Variants in ST6GALNAC5 observed in about 807,000 individuals in gnomAD.
ST6GALNAC5 encodes alpha-N-acetylgalactosaminide alpha-2,6-sialyltransferase 5.
ST6GALNAC5 carries 27 observed loss-of-function variants against 33.6 expected under a neutral mutation model. The observed-to-expected ratio is 0.80, with a 90% CI of 0.59 to 1.11. ST6GALNAC5 has a LOEUF of 1.11. ST6GALNAC5 is among the 50% of genes least tolerant of loss of function. ST6GALNAC5 has a pLI of 0.00. For synonymous variants in ST6GALNAC5, 194 were observed against 171.2 expected (o/e 1.13, Z -1.04); for missense variants, 428 against 454.0 (o/e 0.94, Z 0.52).
chr1:76,908,203 C>T (rs1309061711), intron 2 of ST6GALNAC5, among the ~76,000 whole-genome samples: 1 of 152,040 alleles, frequency 6.6e-6, no homozygotes, highest in Non-Finnish European at 1.5e-5. Flanking sequence ...AACTGAGTGG[C>T]TTATAAACAA....
chr1:76,977,315 A>G (rs1029727817), intron 2 of ST6GALNAC5, among the ~76,000 whole-genome samples: 4 of 152,146 alleles, frequency 2.6e-5, no homozygotes, highest in African/African-American at 9.7e-5. Context: ...CTCTTTGTGG[A>G]AATATCATAC....
intron 2 of ST6GALNAC5, among the ~76,000 whole-genome samples, chr1:76,979,986 G>A (rs1198509199): frequency 6.6e-6 from 1 of 152,036 alleles, no homozygotes; most frequent in Non-Finnish European, 1.5e-5. Flanking sequence ...GAAACTACTA[G>A]AAGAAAACAT....
At chr1:76,948,246 C>T (rs970577979) in intron 2 of ST6GALNAC5, among the ~76,000 whole-genome samples, 1 of 152,136 alleles carries the variant, frequency 6.6e-6, no homozygotes, top group African/African-American at 2.4e-5. Flanking sequence ...TGATCCCAAC[C>T]TAAGGCAAGG....
intron 2 of ST6GALNAC5, among the ~76,000 whole-genome samples, chr1:77,041,999 G>A (rs1316704378): frequency 6.6e-6 from 1 of 152,148 alleles, no homozygotes; most frequent in Non-Finnish European, 1.5e-5. Context: ...TTGGCATCAT[G>A]GTGAATCCCT....
chr1:76,924,823 A>G (rs1180406233), intron 2 of ST6GALNAC5, among the ~76,000 whole-genome samples: 1 of 152,164 alleles, frequency 6.6e-6, no homozygotes, highest in Non-Finnish European at 1.5e-5. Flanking sequence ...CAGACCCATG[A>G]GCAGCAATTA....
intron 2 of ST6GALNAC5, among the ~76,000 whole-genome samples, chr1:76,998,289 A>G (rs926765605): frequency 6.6e-6 from 1 of 152,150 alleles, no homozygotes; most frequent in Non-Finnish European, 1.5e-5. Flanking sequence ...CTAGCTATTC[A>G]GGAGGCTAAG....
intron 2 of ST6GALNAC5, among the ~76,000 whole-genome samples, chr1:77,018,898 A>G (rs1650950412): frequency 6.6e-6 from 1 of 152,224 alleles, no homozygotes; most frequent in African/African-American, 2.4e-5. Context: ...AGGAAAAGCA[A>G]GGAAGCCACT....
intron 2 of ST6GALNAC5, among the ~76,000 whole-genome samples, chr1:76,885,784 C>T (rs1157327291): frequency 6.6e-6 from 1 of 152,172 alleles, no homozygotes; most frequent in Non-Finnish European, 1.5e-5. Context: ...TTGTGGCATG[C>T]TTCCATCTCT....
At chr1:77,061,316 A>C (rs1269576135) in intron 4 of ST6GALNAC5, among the ~76,000 whole-genome samples, 1 of 150,304 alleles carries the variant, frequency 6.7e-6, no homozygotes, top group Admixed American at 6.6e-5. Flanking sequence ...GAAACAGCTC[A>C]AAGGTTTATT....
At chr1:76,936,202 C>T (rs1647201466) in intron 2 of ST6GALNAC5, among the ~76,000 whole-genome samples, 1 of 152,034 alleles carries the variant, frequency 6.6e-6, no homozygotes. Flanking sequence ...CGTATTATTT[C>T]CTTCTTCAAA....
chr1:76,959,384 T>C (rs928562755), intron 2 of ST6GALNAC5, among the ~76,000 whole-genome samples: 1 of 152,362 alleles, frequency 6.6e-6, no homozygotes. Flanking sequence ...GTTTGCTTTT[T>C]ACATTTAACT....
chr1:76,979,736 G>A (rs965292228), intron 2 of ST6GALNAC5, among the ~76,000 whole-genome samples: 2 of 152,190 alleles, frequency 1.3e-5, no homozygotes, highest in Non-Finnish European at 2.9e-5. Flanking sequence ...AGACCAGCCT[G>A]GCCAACATGG....
At chr1:76,876,524 G>T (rs1054872249) in intron 2 of ST6GALNAC5, among the ~76,000 whole-genome samples, 1 of 152,200 alleles carries the variant, frequency 6.6e-6, no homozygotes, top group African/African-American at 2.4e-5. Context: ...CCCTCAGATA[G>T]GTCCATCCAC....
At chr1:76,954,611 G>C (rs1647882436) in intron 2 of ST6GALNAC5, among the ~76,000 whole-genome samples, 1 of 152,070 alleles carries the variant, frequency 6.6e-6, no homozygotes, top group Non-Finnish European at 1.5e-5. Context: ...GAACATAAGG[G>C]CCCAGAGGTA....
In ST6GALNAC5 at chr1:76,868,573, G is replaced by T. The variant is rs1261717526; in HGVS notation, c.92G>T (p.Gly31Val). 3.7e-6 allele frequency: 6 copies of T among 1,612,998 alleles called. No individual in the cohort carries two copies. Among genetic ancestry groups the T allele is most frequent in the Middle Eastern group, 3.3e-4 (2 of 6,050 alleles). ...SLLLVYSSLGGQKERPPQQQQ... is the reference protein window; with the variant it reads ...SLLLVYSSLGVQKERPPQQQQ... Reference sequence around the variant, plus strand: ...TTGCTAGTGTACAGCAGCCTCGGCGGCCAGAAGGAGCGGCCCCCGCAGCAG... The same window carrying T: ...TTGCTAGTGTACAGCAGCCTCGGCGTCCAGAAGGAGCGGCCCCCGCAGCAG... The change falls in exon 2 of 5, where the codon GGC becomes GTC. Residue 31 changes from glycine to valine, a missense_variant. By Grantham distance (109) the Gly-to-Val change is moderately radical (BLOSUM62 -3). Transcript: ENST00000477717. This position sits in a 1 kb window ranked among gnomAD's most constrained non-coding sequence, Gnocchi z 4.3.
At position 77,007,516 on chromosome 1, in the gene ST6GALNAC5, T is replaced by C. The variant is rs183236171; in HGVS notation, c.262-36688T>C. ...AAGTTTTAGGAGTGAGAATAAATGT[T>C]TGGATCCCTAGCACATATTCAGGAG... On this transcript the variant is annotated intron_variant, in intron 2 of 4. Transcript: ENST00000477717. Among the ~76,000 whole-genome samples, 189 of 152,338 alleles carry C rather than the reference T, an allele frequency of 1.2e-3. 2 individuals are homozygous for C. Among genetic ancestry groups the C allele is most frequent in the Middle Eastern group, 3.4e-3 (1 of 294 alleles).
chr1:76,948,468 A>AT (rs1023115265), intron 2 of ST6GALNAC5, among the ~76,000 whole-genome samples: 2 of 152,036 alleles, frequency 1.3e-5, no homozygotes, highest in Non-Finnish European at 2.9e-5. Context: ...AGAGAGAGAG[A>AT]TGGAATGACA....
intron 2 of ST6GALNAC5, among the ~76,000 whole-genome samples, chr1:76,913,618 C>T (rs1481752134): frequency 1.3e-5 from 2 of 152,082 alleles, no homozygotes; most frequent in African/African-American, 4.8e-5. Context: ...TTGTTCATTT[C>T]TTCTTATTCT....
intron 2 of ST6GALNAC5, among the ~76,000 whole-genome samples, chr1:76,924,623 C>G (rs1322567963): frequency 6.6e-6 from 1 of 151,636 alleles, no homozygotes; most frequent in East Asian, 1.9e-4. Flanking sequence ...TCCTCATATA[C>G]TTTCATATAT....
Sources: allele counts gnomAD v4.1 joint callset (sites outside exome capture counted in the v4.1 genomes callset), GRCh38; gene constraint gnomAD v4.1.1; non-coding constraint Gnocchi (gnomAD v3.1); transcripts MANE v1.5; gene names NCBI Gene and HGNC (gene_info 2026-07-23, HGNC 2026-07-21).